VIPR2: variants seen among roughly 807,000 people sequenced by gnomAD.
The protein encoded by VIPR2 is vasoactive intestinal peptide receptor 2.
In VIPR2, 48 loss-of-function variants were observed where a neutral mutation model predicts 58.0. The ratio of observed to expected loss-of-function variants is 0.83; its 90% CI spans 0.66 to 1.05. The LOEUF (loss-of-function observed/expected upper bound fraction) is 1.05, where lower values mean the gene tolerates loss of function less well. VIPR2 is among the 50% of genes least tolerant of loss of function. The probability of loss-of-function intolerance (pLI) is 0.00; values close to 1 mark genes in which losing one functional copy is unlikely to be tolerated. For synonymous variants in VIPR2, 243 were observed against 235.2 expected, an observed-to-expected ratio of 1.03 and a Z score of -0.30; for missense variants, 534 against 558.0, an observed-to-expected ratio of 0.96 and a Z score of 0.43.
intron 2 of VIPR2, among the ~76,000 whole-genome samples, chr7:159,112,057 C>T (rs1318933676): frequency 6.6e-6 from 1 of 152,196 alleles, no homozygotes; most frequent in Non-Finnish European, 1.5e-5. Flanking sequence ...ATAACTAATA[C>T]ATAATACAAA....
At position 159,092,260 on chromosome 7, in the gene VIPR2, G is replaced by A. The variant is rs148366675; in HGVS notation, c.357+11497C>T. Among the ~76,000 whole-genome samples the A allele has an allele frequency of 1.7e-3, 264 of 152,308 alleles. 1 individual carries two copies. Among genetic ancestry groups the A allele is most frequent in the African/African-American group, 6.0e-3 (248 of 41,576 alleles). On this transcript the variant is annotated intron_variant, in intron 4 of 12. Transcript: ENST00000262178. Reference sequence around the variant, plus strand: ...ACGGCTGGGGCCCAGAGCGAAATTGGCGAATCTGACACTCATGAAGCCGAG... The same window carrying A: ...ACGGCTGGGGCCCAGAGCGAAATTGACGAATCTGACACTCATGAAGCCGAG...
chr7:159,066,375 G>A (rs6954665), intron 4 of VIPR2, among the ~76,000 whole-genome samples: 2,981 of 150,950 alleles, frequency 0.02, 106 homozygotes, highest in African/African-American at 0.067. Flanking sequence ...CACACCATCC[G>A]TGGGATTCTA....
intron 4 of VIPR2, among the ~76,000 whole-genome samples, chr7:159,073,246 T>C (rs1203667501): frequency 2.0e-5 from 3 of 152,124 alleles, no homozygotes; most frequent in African/African-American, 7.2e-5. Context: ...AATCTCAAAA[T>C]ATCAAGGATA....
Position 159,029,592 on chromosome 7 carries a change from G to A in VIPR2, c.*1024C>T, listed in dbSNP as rs1213751811. ...GCACCCCACGTAACCCCATCACCAG[G>A]GGCCCGCAGGCCTGGCCGCAGCTGG... On this transcript the variant is annotated 3_prime_UTR_variant, in exon 13 of 13. Coordinates refer to ENST00000262178, the MANE Select transcript of VIPR2 (RefSeq NM_003382.5). The A allele has an allele frequency of 6.6e-6, 1 of 152,246 alleles. No individual in the cohort carries two copies. The highest frequency in any genetic ancestry group is 1.9e-4 in the East Asian group (1 of 5,180). 9.4% of individuals were successfully genotyped at this position (152,246 alleles called of 1,614,324 possible).
intron 6 of VIPR2, among the ~76,000 whole-genome samples, chr7:159,037,986 G>A (rs1412735116): frequency 6.6e-6 from 1 of 152,140 alleles, no homozygotes; most frequent in African/African-American, 2.4e-5. Context: ...ATGTATGGGT[G>A]GATATACTAC....
intron 2 of VIPR2, among the ~76,000 whole-genome samples, chr7:159,129,154 TGG>T (rs1400345431): frequency 0.053 from 3,046 of 56,976 alleles, 10 homozygotes; most frequent in East Asian, 0.059. Context: ...GGGACAGGGC[TGG>T]GGGGACAGGG....
rs1331790051 is a variant in VIPR2 at position 159,142,449 on chromosome 7, T to G, written c.148A>C (p.Lys50Gln). 6.2e-7 allele frequency: 1 copy of G among 1,613,328 alleles called. No individual in the cohort carries two copies. The highest frequency in any genetic ancestry group is 2.2e-5 in the East Asian group (1 of 44,888). The change falls in exon 2 of 13, where the codon AAA becomes CAA. Residue 50 changes from lysine (K) to glutamine (Q), a missense_variant. By Grantham distance (53) the Lys-to-Gln change is moderately conservative (BLOSUM62 1). Transcript: ENST00000262178. ...ELLRSQTEKH[K>Q]ACSGVWDNIT... ...ACTCACCAAGCCTCTGCCTTACCTT[T>G]GTGTTTTTCTGTTTGAGACCTCAGA... is the stretch of plus-strand genomic sequence containing the variant.
rs1394689854 is a variant in VIPR2 at position 159,029,455 on chromosome 7, C to T, written c.*1161G>A. On this transcript the variant is annotated 3_prime_UTR_variant, in exon 13 of 13. Transcript: ENST00000262178. The stretch of plus-strand genomic sequence containing the variant: ...AGCCGCTAGGGCTGCTGAGCGCCAG[C>T]TCTGGGGAGGAGGGCTTGAAACAGT... 1.3e-5 allele frequency: 2 copies of T among 152,252 alleles called. No individual in the cohort carries two copies. The highest frequency in any genetic ancestry group is 4.8e-5 in the African/African-American group (2 of 41,460). The allele number at this position is 152,252 out of a possible 1,614,324, so 9.4% of individuals were successfully genotyped here.
intron 4 of VIPR2, among the ~76,000 whole-genome samples, chr7:159,092,061 C>T (rs1038101028): frequency 1.3e-5 from 2 of 152,238 alleles, no homozygotes; most frequent in African/African-American, 4.8e-5. Context: ...CGCTGAACTC[C>T]TGGGCAGCGG....
chr7:159,106,577 G>C (rs546317036), intron 3 of VIPR2, among the ~76,000 whole-genome samples: 18 of 146,986 alleles, frequency 1.2e-4, no homozygotes, highest in African/African-American at 4.3e-4. Flanking sequence ...AGAGAGGCCA[G>C]GGAGGGGCAC....
Position 159,109,880 on chromosome 7 carries a change from G to A in VIPR2, c.191C>T (p.Pro64Leu). The change falls in exon 3 of 13, where the codon CCT becomes CTT. Residue 64 changes from proline to leucine, a missense_variant. Transcript: ENST00000262178. ...GVWDNITCWR[P>L]ANVGETVTVP... ...CGTGACGGTCTCTCCCACATTGGCAGGCCGCCAGCACGTGATGTTGTCCCA... is the reference window on the plus strand; with the variant it reads ...CGTGACGGTCTCTCCCACATTGGCAAGCCGCCAGCACGTGATGTTGTCCCA... The A allele has an allele frequency of 6.2e-7, 1 of 1,614,104 alleles. No individual in the cohort carries two copies. Among genetic ancestry groups the A allele is most frequent in the Non-Finnish European group, 8.5e-7 (1 of 1,180,050 alleles).
At chr7:159,081,780 C>A (rs2129494914) in intron 4 of VIPR2, among the ~76,000 whole-genome samples, 1 of 152,258 alleles carries the variant, frequency 6.6e-6, no homozygotes, top group South Asian at 2.1e-4. Context: ...AAGAAAAAAA[C>A]AACCCCATCA....
At chr7:159,137,350 T>C (rs945247635) in intron 2 of VIPR2, among the ~76,000 whole-genome samples, 5 of 152,166 alleles carry the variant, frequency 3.3e-5, no homozygotes, top group Admixed American at 1.3e-4. Context: ...TTGTTTCCTA[T>C]AAAAAGTAAA....
At chr7:159,138,695 T>C (rs1585573472) in intron 2 of VIPR2, among the ~76,000 whole-genome samples, 1 of 152,338 alleles carries the variant, frequency 6.6e-6, no homozygotes, top group East Asian at 1.9e-4. Context: ...CTTCCACGTG[T>C]CTGGAAGGAA....
rs539951943 is a variant in VIPR2 at position 159,093,459 on chromosome 7, G to A, written c.357+10298C>T. ...GTGGCTGGAGCTCACTCTCACTGCC[G>A]GAAGTGAGGAGCCTCTCCAACTCAC... On this transcript the variant is annotated intron_variant, in intron 4 of 12. Coordinates refer to ENST00000262178, the MANE Select transcript of VIPR2 (RefSeq NM_003382.5). This position sits in a 1 kb window ranked among gnomAD's most constrained non-coding sequence, Gnocchi z 6.7. Among the ~76,000 whole-genome samples, 2 of 152,186 alleles carry A rather than the reference G, an allele frequency of 1.3e-5. No homozygotes were observed. The highest frequency in any genetic ancestry group is 2.9e-5 in the Non-Finnish European group (2 of 68,032).
At chr7:159,129,105 G>C (rs9691129) in intron 2 of VIPR2, among the ~76,000 whole-genome samples, 5,016 of 118,132 alleles carry the variant, frequency 0.042, 76 homozygotes, top group East Asian at 0.051. Context: ...GGCCAGGTGA[G>C]CAGCTTCACA....
intron 6 of VIPR2, among the ~76,000 whole-genome samples, chr7:159,040,163 C>T (rs1395852147): frequency 1.3e-5 from 2 of 152,250 alleles, no homozygotes; most frequent in Non-Finnish European, 2.9e-5. Context: ...CTACTGACTT[C>T]ATTTTCTACA....
intron 2 of VIPR2, among the ~76,000 whole-genome samples, chr7:159,125,491 A>C (rs1465404814): frequency 2.6e-5 from 4 of 152,078 alleles, no homozygotes; most frequent in Non-Finnish European, 4.4e-5. Flanking sequence ...GGGCAGCCCA[A>C]CCCTCTGGTT....
chr7:159,068,744 G>A (rs1030577752), intron 4 of VIPR2, among the ~76,000 whole-genome samples: 1 of 152,156 alleles, frequency 6.6e-6, no homozygotes, highest in African/African-American at 2.4e-5. Context: ...GGTTCTGAAG[G>A]CGTCTCCACA....
Sources: allele counts gnomAD v4.1 joint callset (sites outside exome capture counted in the v4.1 genomes callset), GRCh38; gene constraint gnomAD v4.1.1; non-coding constraint Gnocchi (gnomAD v3.1); transcripts MANE v1.5; gene names NCBI Gene and HGNC (gene_info 2026-07-23, HGNC 2026-07-21).